Variants in KIAA1217 observed in about 807,000 individuals in gnomAD.
KIAA1217 encodes the protein KIAA1217, also known as sickle tail protein homolog.
A neutral mutation model predicts 163.9 loss-of-function variants in KIAA1217; 88 were observed. The observed-to-expected ratio is 0.54, with a 90% confidence interval of 0.45 to 0.64. The LOEUF (loss-of-function observed/expected upper bound fraction) is 0.64. KIAA1217 is among the 30% of genes least tolerant of loss of function. The probability of loss-of-function intolerance (pLI) is 0.00; values close to 1 mark genes in which losing one functional copy is unlikely to be tolerated. For synonymous variants in KIAA1217, 903 were observed against 923.1 expected, an observed-to-expected ratio of 0.98 and a Z score of 0.39; for missense variants, 2,372 against 2,475.0, an observed-to-expected ratio of 0.96 and a Z score of 0.88.
At chr10:24,409,930 C>A (rs1039014792) in intron 3 of KIAA1217, among the ~76,000 whole-genome samples, 3 of 151,498 alleles carry the variant, frequency 2.0e-5, no homozygotes, top group Non-Finnish European at 4.4e-5. Context: ...TAATTTCTTC[C>A]TTTTTATGTG....
chr10:24,307,509 C>T (rs2042132960), intron 2 of KIAA1217, among the ~76,000 whole-genome samples: 1 of 151,798 alleles, frequency 6.6e-6, no homozygotes. Context: ...GGCATGGTAG[C>T]TCATGCTTAT....
chr10:23,720,845 T>C (rs974007974), intron 1 of KIAA1217, among the ~76,000 whole-genome samples: 2 of 152,210 alleles, frequency 1.3e-5, no homozygotes, highest in African/African-American at 4.8e-5. Flanking sequence ...CCCAGAATTA[T>C]TCCACTGATG....
chr10:24,106,063 A>G (rs1217958482), intron 2 of KIAA1217, among the ~76,000 whole-genome samples: 1 of 152,076 alleles, frequency 6.6e-6, no homozygotes, highest in Non-Finnish European at 1.5e-5. Flanking sequence ...TGGGATTTTG[A>G]CAATGGGATT....
chr10:24,099,800 T>G (rs1020569379), intron 2 of KIAA1217, among the ~76,000 whole-genome samples: 6 of 142,088 alleles, frequency 4.2e-5, no homozygotes, highest in African/African-American at 1.6e-4. Flanking sequence ...CCAAGTGTTC[T>G]CATTGTTCAA....
chr10:23,842,328 A>G (rs114195089), intron 1 of KIAA1217, among the ~76,000 whole-genome samples: 352 of 152,282 alleles, frequency 2.3e-3, no homozygotes, highest in African/African-American at 8.3e-3. Flanking sequence ...CGGCTCTCCA[A>G]ATTTCCAGAA....
intron 1 of KIAA1217, among the ~76,000 whole-genome samples, chr10:23,883,749 C>T (rs1841053297): frequency 6.6e-6 from 1 of 151,834 alleles, no homozygotes; most frequent in Non-Finnish European, 1.5e-5. Context: ...AGCCTCGCTA[C>T]CCTAAAAATC....
intron 1 of KIAA1217, among the ~76,000 whole-genome samples, chr10:23,780,806 G>A (rs1260511785): frequency 2.6e-5 from 4 of 151,872 alleles, no homozygotes; most frequent in Non-Finnish European, 5.9e-5. Flanking sequence ...TCAGCCTCCC[G>A]AGTAGCTGGG....
chr10:24,535,387 A>G (rs2073853373), intron 16 of KIAA1217, among the ~76,000 whole-genome samples: 1 of 152,250 alleles, frequency 6.6e-6, no homozygotes, highest in South Asian at 2.1e-4. Flanking sequence ...GAGGGAGGAC[A>G]TACATTATTC....
chr10:23,976,000 C>G (rs945557404), intron 1 of KIAA1217, among the ~76,000 whole-genome samples: 2 of 152,136 alleles, frequency 1.3e-5, no homozygotes, highest in Non-Finnish European at 2.9e-5. Flanking sequence ...GCACTCCTTG[C>G]CTGTCTTTCA....
chr10:24,396,359 A>C (rs911071009), intron 3 of KIAA1217, among the ~76,000 whole-genome samples: 2 of 152,148 alleles, frequency 1.3e-5, no homozygotes, highest in Admixed American at 6.5e-5. Context: ...AAAAAGAAAA[A>C]AAATGCTCAC....
chr10:24,158,438 T>A lies in KIAA1217; in HGVS notation c.-170-61188T>A, dbSNP rs1172865552. 5.3e-6 allele frequency: 3 copies of A among 567,412 alleles called. No homozygotes were observed. In the African/African-American group the frequency reaches 5.6e-5, roughly 11 times the overall value. 35.1% of individuals were successfully genotyped at this position (567,412 alleles called of 1,614,324 possible). On this transcript the variant is annotated intron_variant, in intron 2 of 18. Transcript: ENST00000376462. Reference sequence around the variant, plus strand: ...TATGGGAATATCTTAAAACACATGATGTCTAACACAGGAAATTGAATGTAT... The same window carrying A: ...TATGGGAATATCTTAAAACACATGAAGTCTAACACAGGAAATTGAATGTAT...
chr10:24,191,552 A>AATATAT lies in KIAA1217; in HGVS notation c.-170-28060_-170-28055dup, dbSNP rs59779872. ...TATCAACACATCTCATGTACCCACA[A>AATATAT]ATATATATATATATATATACCTATT... On this transcript the variant is annotated intron_variant, in intron 2 of 18. Transcript: ENST00000376462. Among the ~76,000 whole-genome samples the AATATAT allele has an allele frequency of 1.9e-3, 276 of 148,322 alleles. 1 individual carries two copies. Among genetic ancestry groups the AATATAT allele is most frequent in the African/African-American group, 6.0e-3 (242 of 40,664 alleles).
chr10:23,814,761 C>T (rs1837238367), intron 1 of KIAA1217, among the ~76,000 whole-genome samples: 1 of 151,858 alleles, frequency 6.6e-6, no homozygotes, highest in Non-Finnish European at 1.5e-5. Context: ...TTTTTCTGTT[C>T]TTGCAGGGAT....
intron 2 of KIAA1217, among the ~76,000 whole-genome samples, chr10:24,153,989 G>T (rs1198607077): frequency 6.8e-6 from 1 of 146,328 alleles, no homozygotes; most frequent in African/African-American, 2.6e-5. Flanking sequence ...ACGGAGTCTC[G>T]CTCTGTCGCC....
chr10:24,165,630 G>A (rs973588766), intron 2 of KIAA1217, among the ~76,000 whole-genome samples: 3 of 152,124 alleles, frequency 2.0e-5, no homozygotes, highest in African/African-American at 7.2e-5. Context: ...TACAAAATTC[G>A]AGTTTTAAAC....
chr10:23,899,591 T>C (rs919024313), intron 1 of KIAA1217, among the ~76,000 whole-genome samples: 5 of 152,264 alleles, frequency 3.3e-5, no homozygotes, highest in Admixed American at 1.3e-4. Context: ...CTTTTCCCCA[T>C]TGGAGCAGTT....
intron 2 of KIAA1217, among the ~76,000 whole-genome samples, chr10:24,131,778 A>C (rs1034050577): frequency 1.7e-4 from 26 of 152,184 alleles, no homozygotes; most frequent in Admixed American, 2.0e-4. Flanking sequence ...AAAGGAATAG[A>C]TTGTGTACCT....
intron 3 of KIAA1217, among the ~76,000 whole-genome samples, chr10:24,402,396 C>A (rs2056640388): frequency 1.3e-5 from 2 of 151,686 alleles, no homozygotes; most frequent in Non-Finnish European, 2.9e-5. Context: ...GTAGTCCCAA[C>A]TACTCAGGAG....
intron 2 of KIAA1217, among the ~76,000 whole-genome samples, chr10:24,299,438 G>T (rs894784351): frequency 2.6e-5 from 4 of 152,122 alleles, no homozygotes; most frequent in African/African-American, 4.8e-5. Context: ...TGGAAACAGG[G>T]TCTTGCTCTG....
Sources: allele counts gnomAD v4.1 joint callset (sites outside exome capture counted in the v4.1 genomes callset), GRCh38; gene constraint gnomAD v4.1.1; transcripts MANE v1.5; gene names NCBI Gene and HGNC (gene_info 2026-07-23, HGNC 2026-07-21).